CPEB2: variants seen among roughly 807,000 people sequenced by gnomAD.
CPEB2 encodes the protein cytoplasmic polyadenylation element-binding protein 2.
A neutral mutation model predicts 93.6 loss-of-function variants in CPEB2; 56 were observed. The ratio of observed to expected loss-of-function variants is 0.60; its 90% CI spans 0.48 to 0.75. The LOEUF (loss-of-function observed/expected upper bound fraction) is 0.75, where lower values mean the gene tolerates loss of function less well. CPEB2 is among the 30% of genes least tolerant of loss of function. The pLI, the probability that CPEB2 is intolerant of heterozygous loss-of-function variation, is 0.00. For synonymous variants in CPEB2, 764 were observed against 586.3 expected (o/e 1.30, Z -4.38); for missense variants, 1,579 against 1,395.1 (o/e 1.13, Z -2.10).
intron 10 of CPEB2, among the ~76,000 whole-genome samples, chr4:15,061,273 G>A (rs1159028030): frequency 6.6e-6 from 1 of 151,754 alleles, no homozygotes; most frequent in East Asian, 1.9e-4. Context: ...AGTGTAGATA[G>A]TGTTGCAAGG....
rs1040096817 is a variant in CPEB2 at position 15,033,326 on chromosome 4, T to C, written c.2176+115T>C. 3 of 714,528 alleles carry C rather than the reference T, an allele frequency of 4.2e-6. No individual in the cohort carries two copies. The Admixed American group carries it at 8.7e-5, about 21-fold the overall frequency. The allele number at this position is 714,528 out of a possible 1,614,324, so 44.3% of individuals were successfully genotyped here. ...TTTAATCATTCTATGAGCATAAAAA[T>C]AAAGTTACAACTATTCCTATGCAAA... On this transcript the variant is annotated intron_variant, in intron 5 of 11. Coordinates refer to ENST00000538197, the MANE Select transcript of CPEB2 (RefSeq NM_001177382.2).
chr4:15,019,267 T>A (rs756524814), intron 4 of CPEB2, among the ~76,000 whole-genome samples: 18 of 151,628 alleles, frequency 1.2e-4, no homozygotes, highest in Admixed American at 5.3e-4. Flanking sequence ...CACCATCATA[T>A]CCCTATTTAA....
chr4:15,019,755 G>T (rs1264592216), intron 4 of CPEB2, among the ~76,000 whole-genome samples: 1 of 151,984 alleles, frequency 6.6e-6, no homozygotes, highest in African/African-American at 2.4e-5. Flanking sequence ...CTTTTAAAAT[G>T]AATTATTTCT....
intron 6 of CPEB2, among the ~76,000 whole-genome samples, chr4:15,048,942 C>CTTTGTCAATATCAT (rs1727971987): frequency 6.6e-6 from 1 of 151,908 alleles, no homozygotes; most frequent in Admixed American, 6.5e-5. Flanking sequence ...AAAGGTCAGA[C>CTTTGTCAATATCAT]TTTGTCAATG....
rs768150682 is a variant in CPEB2 at position 15,062,259 on chromosome 4, G to A, written c.2876G>A (p.Arg959His). The stretch of plus-strand genomic sequence containing the variant: ...CTTCAGCATGGTGATATTGATAAAC[G>A]TGTAAGTTGCATATTGGGAAATCAC... ...VQLQHGDIDK[R>H]VEVKPYVLDD... Residue 959 changes from arginine (R) to histidine (H), a missense_variant and splice_region_variant, in exon 11 of 12, where the codon CGT becomes CAT. This residue lies in a region of CPEB2 where 168 missense variants were observed against 339.1 expected (regional missense o/e 0.50). Coordinates refer to ENST00000538197, the MANE Select transcript of CPEB2 (RefSeq NM_001177382.2). 1.9e-6 allele frequency: 3 copies of A among 1,602,450 alleles called. No homozygotes were observed. Among genetic ancestry groups the A allele is most frequent in the South Asian group, 1.1e-5 (1 of 90,012 alleles).
chr4:15,047,834 G>A (rs1727852392), intron 6 of CPEB2, among the ~76,000 whole-genome samples: 1 of 151,048 alleles, frequency 6.6e-6, no homozygotes, highest in Admixed American at 6.6e-5. Context: ...TATTATTACA[G>A]ACTTTCACTC....
chr4:15,005,904 G>T (rs1577355281), intron 1 of CPEB2, among the ~76,000 whole-genome samples: 1 of 152,126 alleles, frequency 6.6e-6, no homozygotes, highest in East Asian at 1.9e-4. Context: ...CTGGAAACTT[G>T]CCCACAGAAA....
At chr4:15,007,807 C>T (rs1395701402) in intron 2 of CPEB2, among the ~76,000 whole-genome samples, 1 of 152,028 alleles carries the variant, frequency 6.6e-6, no homozygotes, top group African/African-American at 2.4e-5. Context: ...CTTAGTAAAA[C>T]GTAGAAAAAC....
chr4:15,053,282 C>G (rs1728408699), intron 7 of CPEB2, among the ~76,000 whole-genome samples: 1 of 151,990 alleles, frequency 6.6e-6, no homozygotes, highest in Admixed American at 6.6e-5. Flanking sequence ...TCCCAAAGTG[C>G]TGGGATTACA....
intron 3 of CPEB2, among the ~76,000 whole-genome samples, chr4:15,015,846 G>A (rs750419646): frequency 2.4e-4 from 36 of 151,894 alleles, no homozygotes; most frequent in Non-Finnish European, 4.1e-4. Context: ...CATAAATTAG[G>A]CACAGTAAGT....
In CPEB2 at chr4:15,002,835, T is replaced by A; in HGVS notation, c.162T>A (p.Pro54=). 6.5e-7 allele frequency: 1 copy of A among 1,535,060 alleles called. No homozygotes were observed. The highest frequency in any genetic ancestry group is 8.7e-7 in the Non-Finnish European group (1 of 1,146,506). The change falls in exon 1 of 12, where the codon CCT becomes CCA. Residue 54 remains proline (P), a synonymous_variant. Transcript: ENST00000538197. ...GCCCACTGTCGCCACCACCGTTGCCTGTCACCGGCTTCTTAGAGGCCGCCT... is the reference window on the plus strand; with the variant it reads ...GCCCACTGTCGCCACCACCGTTGCCAGTCACCGGCTTCTTAGAGGCCGCCT... ...PFGPLSPPPL[P]VTGFLEAASP...
intron 4 of CPEB2, among the ~76,000 whole-genome samples, chr4:15,028,284 A>C (rs149578506): frequency 6.6e-6 from 1 of 152,102 alleles, no homozygotes; most frequent in African/African-American, 2.4e-5. Flanking sequence ...CAACTTCAAT[A>C]TGTAAGAGAT....
Position 15,002,482 on chromosome 4 carries a change from C to T in CPEB2, c.-192C>T. The T allele has an allele frequency of 6.2e-6, 3 of 487,144 alleles. No individual in the cohort carries two copies. Among genetic ancestry groups the T allele is most frequent in the South Asian group, 3.5e-5 (1 of 28,286 alleles). 30.2% of individuals were successfully genotyped at this position (487,144 alleles called of 1,614,324 possible). A position where few individuals can be genotyped will look rare whatever the true frequency, so the allele number is the denominator to read the frequency against. ...GCGGCCAGGGCGGCTACGGCGACTG[C>T]GACGGCGGCGGCGGCGGCGATCGCC... On this transcript the variant is annotated 5_prime_UTR_variant, in exon 1 of 12. Transcript: ENST00000538197.
intron 4 of CPEB2, among the ~76,000 whole-genome samples, chr4:15,023,994 C>G (rs11728134): frequency 0.27 from 41,451 of 151,800 alleles, 6,510 homozygotes; most frequent in Middle Eastern, 0.5. Flanking sequence ...GTAACATTTT[C>G]TTTTTCATAA....
In CPEB2 at chr4:15,008,439, A is replaced by G. The variant is rs1479338760; in HGVS notation, c.2034+12A>G. On this transcript the variant is annotated intron_variant, in intron 3 of 11. Coordinates refer to ENST00000538197, the MANE Select transcript of CPEB2 (RefSeq NM_001177382.2). ...CCAGAATAGACCAGGTAGGCTGCAC[A>G]GTGTATACTTTTTAGGATTTCGGTT... is the stretch of plus-strand genomic sequence containing the variant. The G allele has an allele frequency of 1.3e-6, 2 of 1,582,210 alleles. No homozygotes were observed. Among genetic ancestry groups the G allele is most frequent in the Admixed American group, 1.7e-5 (1 of 59,706 alleles).
rs957375217 is a variant in CPEB2, at chr4:15,068,222, G to GT, written c.*1843dup. 5.4e-4 allele frequency: 82 copies of GT among 152,370 alleles called. No homozygotes were observed. The highest frequency in any genetic ancestry group is 1.8e-3 in the African/African-American group (74 of 41,500). The allele number at this position is 152,370 out of a possible 1,614,324, so 9.4% of individuals were successfully genotyped here. ...GATCTTAATATTGGTTGTCTGTGGT[G>GT]TGCTTTTTTGTACTGTAAAAATATG... On this transcript the variant is annotated 3_prime_UTR_variant, in exon 12 of 12. Transcript: ENST00000538197.
intron 6 of CPEB2, among the ~76,000 whole-genome samples, chr4:15,049,566 T>G (rs1416015117): frequency 6.6e-6 from 1 of 152,196 alleles, no homozygotes; most frequent in Non-Finnish European, 1.5e-5. Flanking sequence ...ATTAATATTA[T>G]TTTTAGTGGA....
At chr4:15,019,562 C>G (rs1724589148) in intron 4 of CPEB2, among the ~76,000 whole-genome samples, 1 of 151,906 alleles carries the variant, frequency 6.6e-6, no homozygotes, top group Non-Finnish European at 1.5e-5. Context: ...CATCTCTTGT[C>G]TCTTACCTTC....
At chr4:15,013,679 C>T (rs1252348239) in intron 3 of CPEB2, among the ~76,000 whole-genome samples, 3 of 151,912 alleles carry the variant, frequency 2.0e-5, no homozygotes. Context: ...TGCATGTAAG[C>T]CTATAGGTTT....
Sources: allele counts gnomAD v4.1 joint callset (sites outside exome capture counted in the v4.1 genomes callset), GRCh38; gene constraint gnomAD v4.1.1; regional missense constraint gnomAD v4.1.1; transcripts MANE v1.5; gene names NCBI Gene and HGNC (gene_info 2026-07-23, HGNC 2026-07-21).